The following PITPNA variants were observed in gnomAD, a reference collection of about 807,000 sequenced individuals.
The protein encoded by PITPNA is phosphatidylinositol transfer protein alpha, also known as phosphatidylinositol transfer protein alpha isoform.
A neutral mutation model predicts 50.3 loss-of-function variants in PITPNA; 13 were observed. The observed-to-expected ratio is 0.26, with a 90% confidence interval of 0.17 to 0.41. The LOEUF (loss-of-function observed/expected upper bound fraction) is 0.41. PITPNA is among the 10% of genes least tolerant of loss of function. The probability of loss-of-function intolerance (pLI) is 1.00; values close to 1 mark genes in which losing one functional copy is unlikely to be tolerated. For missense variants in PITPNA, 207 were observed against 333.4 expected (o/e 0.62, Z 2.95); for synonymous variants, 120 against 119.6 (o/e 1.00, Z -0.02).
At chr17:1,551,269 TTTTC>T (rs1027279895) in intron 3 of PITPNA, among the ~76,000 whole-genome samples, 24 of 151,938 alleles carry the variant, frequency 1.6e-4, no homozygotes, top group African/African-American at 5.3e-4. Context: ...ACTGCTGGCC[TTTTC>T]TTTTTCTTTT....
intron 6 of PITPNA, 39 bp from the exon 7 acceptor site, chr17:1,538,991 C>A: frequency 7.1e-7 from 1 of 1,418,244 alleles, no homozygotes; most frequent in South Asian, 1.2e-5. Context: ...CAGTTTTTGT[C>A]AGTTATAAAA....
At chr17:1,547,588 T>C (rs181936149) in intron 4 of PITPNA, among the ~76,000 whole-genome samples, 1 of 151,974 alleles carries the variant, frequency 6.6e-6, no homozygotes, top group Non-Finnish European at 1.5e-5. Flanking sequence ...AGGCGGAGTT[T>C]GCAGTGAGCC....
chr17:1,528,520 G>A (rs1364507189), intron 10 of PITPNA, among the ~76,000 whole-genome samples: 1 of 152,106 alleles, frequency 6.6e-6, no homozygotes, highest in Non-Finnish European at 1.5e-5. Flanking sequence ...ACCAAGGTGG[G>A]AGGATCACTT....
intron 10 of PITPNA, among the ~76,000 whole-genome samples, chr17:1,532,856 C>T (rs2075592836): frequency 6.6e-6 from 1 of 152,210 alleles, no homozygotes; most frequent in South Asian, 2.1e-4. Context: ...ACCAAAACAT[C>T]TGTCTTCAAG....
rs111889588 is a variant in PITPNA, at chr17:1,548,148, A to C, written c.289+148T>G. ...GTGCTTCTCGCCCTGCTGTCCACCAAGCTGTGCTGGACACAGCACTGATAC... is the reference window on the plus strand; with the variant it reads ...GTGCTTCTCGCCCTGCTGTCCACCACGCTGTGCTGGACACAGCACTGATAC... On this transcript the variant is annotated intron_variant, in intron 4 of 11. Coordinates refer to ENST00000313486, the MANE Select transcript of PITPNA (RefSeq NM_006224.4). 2.0e-3 allele frequency: 941 copies of C among 473,068 alleles called. 13 individuals are homozygous for C. The highest frequency in any genetic ancestry group is 0.017 in the African/African-American group (862 of 49,910). The allele number at this position is 473,068 out of a possible 1,614,324, so 29.3% of individuals were successfully genotyped here.
At chr17:1,534,509 C>A (rs551705691) in intron 9 of PITPNA, among the ~76,000 whole-genome samples, 1 of 152,186 alleles carries the variant, frequency 6.6e-6, no homozygotes, top group Non-Finnish European at 1.5e-5. Context: ...CCATGAACTC[C>A]TAGGCAAGCC....
chr17:1,533,880 T>C (rs2270227), intron 10 of PITPNA, among the ~76,000 whole-genome samples: 14,305 of 152,276 alleles, frequency 0.094, 836 homozygotes, highest in East Asian at 0.14. Context: ...TTTTTGTCTC[T>C]GTGGGTATGC....
At position 1,551,682 on chromosome 17, in the gene PITPNA, C is replaced by T. The variant is rs548389336; in HGVS notation, c.197+1322G>A. ...TTGAGGAAACAATTGGTCCCTTCTA[C>T]CTAAAATACCAACTTCACCATCTCT... On this transcript the variant is annotated intron_variant, in intron 3 of 11. Coordinates refer to ENST00000313486, the MANE Select transcript of PITPNA (RefSeq NM_006224.4). Among the ~76,000 whole-genome samples, 8 of 152,322 alleles carry T rather than the reference C, an allele frequency of 5.3e-5. No individual in the cohort carries two copies. The South Asian group carries it at 1.7e-3, about 32-fold the overall frequency.
At chr17:1,537,451 G>T (rs1450463158) in intron 7 of PITPNA, among the ~76,000 whole-genome samples, 2 of 151,764 alleles carry the variant, frequency 1.3e-5, no homozygotes, top group African/African-American at 4.9e-5. Context: ...TGCCTGCCTC[G>T]GTCTCCCAAA....
intron 3 of PITPNA, 93 bp downstream of exon 3, chr17:1,552,911 T>C: frequency 7.8e-7 from 1 of 1,274,594 alleles, no homozygotes; most frequent in Non-Finnish European, 1.1e-6. Flanking sequence ...TAACAATTAG[T>C]ATAATCCCAT....
chr17:1,521,540 A>G, intron 11 of PITPNA, 39 bp downstream of exon 11: 2 of 1,426,580 alleles, frequency 1.4e-6, no homozygotes, highest in African/African-American at 1.4e-5. Context: ...AACTGATTTT[A>G]GCGTCTGTGA....
chr17:1,537,048 G>A (rs922361971), intron 7 of PITPNA, among the ~76,000 whole-genome samples: 10 of 151,608 alleles, frequency 6.6e-5, no homozygotes, highest in African/African-American at 9.7e-5. Flanking sequence ...ATAGGCATGC[G>A]CCACCACGCC....
rs141798030 is a variant in PITPNA, at chr17:1,558,962, A to G, written c.21-403T>C. 2.5e-3 allele frequency among the ~76,000 whole-genome samples: 382 copies of G among 152,148 alleles called. 4 individuals carry two copies. The highest frequency in any genetic ancestry group is 9.0e-3 in the African/African-American group (372 of 41,492). On this transcript the variant is annotated intron_variant, in intron 1 of 11. Coordinates refer to ENST00000313486, the MANE Select transcript of PITPNA (RefSeq NM_006224.4). ...TGATAAACTTCACCCAAACTTGCCA[A>G]TGAGTCGTCCCCCCAACAAGACTTG...
chr17:1,526,998 T>A (rs1322826491), intron 10 of PITPNA, among the ~76,000 whole-genome samples: 1 of 152,126 alleles, frequency 6.6e-6, no homozygotes, highest in Non-Finnish European at 1.5e-5. Context: ...CCTCAGATGA[T>A]CCACCTGCCT....
intron 5 of PITPNA, among the ~76,000 whole-genome samples, 171 bp downstream of exon 5, chr17:1,542,849 G>C (rs577524796): frequency 6.6e-6 from 1 of 152,314 alleles, no homozygotes; most frequent in East Asian, 1.9e-4. Context: ...AAAGCAGGAG[G>C]TCATCATGCC....
intron 4 of PITPNA, among the ~76,000 whole-genome samples, chr17:1,545,898 C>A (rs1253405231): frequency 6.6e-6 from 1 of 151,100 alleles, no homozygotes; most frequent in East Asian, 1.9e-4. Context: ...CAGACACACC[C>A]AGCCACACTG....
chr17:1,524,324 G>C (rs890198464), intron 10 of PITPNA, among the ~76,000 whole-genome samples: 1 of 148,766 alleles, frequency 6.7e-6, no homozygotes, highest in African/African-American at 2.5e-5. Context: ...GATTACAGGC[G>C]TGAGCCATCG....
chr17:1,558,401 C>A, intron 2 of PITPNA, 128 bp downstream of exon 2: 3 of 674,420 alleles, frequency 4.4e-6, no homozygotes, highest in Admixed American at 2.8e-5. Context: ...CCACGAAATT[C>A]ACATTGAAAT....
At position 1,562,491 on chromosome 17, in the gene PITPNA, C is replaced by A. The variant is rs747422664; in HGVS notation, c.20+50G>T. 3.6e-5 allele frequency: 50 copies of A among 1,383,498 alleles called. No homozygotes were observed. Among genetic ancestry groups the A allele is most frequent in the African/African-American group, 4.5e-5 (3 of 67,036 alleles). The allele number at this position is 1,383,498 out of a possible 1,614,324, so 85.7% of individuals were successfully genotyped here. On this transcript the variant is annotated intron_variant, in intron 1 of 11. Coordinates refer to ENST00000313486, the MANE Select transcript of PITPNA (RefSeq NM_006224.4). The surrounding 1 kb of genome is among the most constrained non-coding windows in gnomAD (Gnocchi z 6.4). ...CTCGCCGCGCCGTCGCCCCGGCGGC[C>A]GTCCCCACCCTCCCTCCTCCCCGCT...
Sources: gnomAD v4.1 joint callset for allele counts (sites outside exome capture counted in the v4.1 genomes callset) on GRCh38, gnomAD v4.1.1 for gene constraint, Gnocchi (gnomAD v3.1) non-coding constraint, MANE v1.5 for transcripts, NCBI Gene and HGNC (gene_info 2026-07-23, HGNC 2026-07-21) for gene names.